Variants in RALGPS2 observed in about 807,000 individuals in gnomAD.
The protein encoded by RALGPS2 is ras-specific guanine nucleotide-releasing factor RalGPS2.
Under a neutral mutation model 86.8 loss-of-function variants are expected in RALGPS2, and 43 were observed. The ratio of observed to expected loss-of-function variants is 0.50; its 90% CI spans 0.39 to 0.64. The LOEUF (loss-of-function observed/expected upper bound fraction) is 0.64, where lower values mean the gene tolerates loss of function less well. RALGPS2 is among the 30% of genes least tolerant of loss of function. RALGPS2 has a pLI of 0.00. For synonymous variants in RALGPS2, 243 were observed against 231.3 expected (o/e 1.05, Z -0.46); for missense variants, 536 against 694.6 (o/e 0.77, Z 2.57).
intron 19 of RALGPS2, among the ~76,000 whole-genome samples, chr1:178,912,562 C>T (rs1484684908): frequency 3.3e-5 from 5 of 152,144 alleles, no homozygotes; most frequent in Admixed American, 3.3e-4. Flanking sequence ...CCACTGTTAA[C>T]CTGATGAGGT....
chr1:178,808,891 G>A lies in RALGPS2; in HGVS notation c.297+763G>A, dbSNP rs983152013. Reference sequence around the variant, plus strand: ...TAAATTAATTTTTTCTTTTTTTAGAGACAGGGTCTCTGTCACCCAAGCTGG... The same window carrying A: ...TAAATTAATTTTTTCTTTTTTTAGAAACAGGGTCTCTGTCACCCAAGCTGG... On this transcript the variant is annotated intron_variant, in intron 5 of 19. Coordinates refer to ENST00000367635, the MANE Select transcript of RALGPS2 (RefSeq NM_152663.5). Among the ~76,000 whole-genome samples the A allele has an allele frequency of 2.0e-5, 3 of 151,942 alleles. No homozygotes were observed. In the East Asian group the frequency reaches 5.8e-4, roughly 29 times the overall value.
intron 8 of RALGPS2, among the ~76,000 whole-genome samples, chr1:178,859,401 C>CTTTTT (rs543947031): frequency 5.7e-5 from 7 of 122,896 alleles, no homozygotes; most frequent in Non-Finnish European, 1.2e-4. Context: ...CCAAGTTTAA[C>CTTTTT]TTTTTTTTTT....
chr1:178,833,433 C>G lies in RALGPS2; in HGVS notation c.490C>G (p.Arg164Gly), dbSNP rs1490060494. ...TCTGTTTGTTTTTTAGTTATTAAGT[C>G]GAAAAGACAAAACTACCTTTGAAAA... ...RLTKTWALLS[R>G]KDKTTFEKLE... The change falls in exon 8 of 20, where the codon CGA becomes GGA. Residue 164 changes from arginine (R) to glycine (G), a missense_variant. Physicochemically the swap from Arg to Gly is moderately radical, Grantham distance 125 (BLOSUM62 -2). This residue lies in a region of RALGPS2 where 184 missense variants were observed against 296.7 expected (regional missense o/e 0.62). Coordinates refer to ENST00000367635, the MANE Select transcript of RALGPS2 (RefSeq NM_152663.5). The G allele has an allele frequency of 6.7e-7, 1 of 1,501,690 alleles. No individual in the cohort carries two copies. Among genetic ancestry groups the G allele is most frequent in the East Asian group, 2.7e-5 (1 of 37,542 alleles). 93.0% of individuals were successfully genotyped at this position (1,501,690 alleles called of 1,614,324 possible). A position where few individuals can be genotyped will look rare whatever the true frequency, so the allele number is the denominator to read the frequency against.
chr1:178,752,635 T>TTATATAG (rs1651745628), intron 1 of RALGPS2, among the ~76,000 whole-genome samples: 1 of 152,242 alleles, frequency 6.6e-6, no homozygotes, highest in South Asian at 2.1e-4. Context: ...GCTTTACAGT[T>TTATATAG]TATATAGTAA....
intron 8 of RALGPS2, among the ~76,000 whole-genome samples, chr1:178,837,258 T>C (rs1656325475): frequency 6.6e-6 from 1 of 152,248 alleles, no homozygotes; most frequent in African/African-American, 2.4e-5. Context: ...CTAACATTTT[T>C]AGGTACTAAA....
chr1:178,758,361 A>G (rs1652055845), intron 1 of RALGPS2, among the ~76,000 whole-genome samples: 3 of 152,056 alleles, frequency 2.0e-5, no homozygotes, highest in Admixed American at 2.0e-4. Flanking sequence ...TAAATGGGTT[A>G]TTCATCCCCT....
At chr1:178,839,811 G>C (rs1184723668) in intron 8 of RALGPS2, among the ~76,000 whole-genome samples, 1 of 152,154 alleles carries the variant, frequency 6.6e-6, no homozygotes, top group African/African-American at 2.4e-5. Context: ...AAGGGATGGA[G>C]GAAGATCTGC....
In RALGPS2 at chr1:178,765,333, C is replaced by T. The variant is rs142717472; in HGVS notation, c.-83-11349C>T. Among the ~76,000 whole-genome samples the T allele has an allele frequency of 5.9e-3, 902 of 152,062 alleles. 15 individuals carry two copies. Among genetic ancestry groups the T allele is most frequent in the African/African-American group, 0.021 (874 of 41,466 alleles). On this transcript the variant is annotated intron_variant, in intron 1 of 19. Coordinates refer to ENST00000367635, the MANE Select transcript of RALGPS2 (RefSeq NM_152663.5). Reference sequence around the variant, plus strand: ...AGTACAGAAGAGAGAAATTTTAAAGCTGGGTGTCCAGGGGAGACTTCACAT... The same window carrying T: ...AGTACAGAAGAGAGAAATTTTAAAGTTGGGTGTCCAGGGGAGACTTCACAT...
At chr1:178,821,955 T>C (rs1033351148) in intron 7 of RALGPS2, among the ~76,000 whole-genome samples, 2 of 152,206 alleles carry the variant, frequency 1.3e-5, no homozygotes, top group Non-Finnish European at 2.9e-5. Context: ...TGAAACACTT[T>C]CAATATCTTT....
At chr1:178,895,783 C>T (rs1659914310) in intron 16 of RALGPS2, among the ~76,000 whole-genome samples, 1 of 151,718 alleles carries the variant, frequency 6.6e-6, no homozygotes, top group African/African-American at 2.4e-5. Flanking sequence ...AAATGGGGGG[C>T]AGGTCAGTCT....
At chr1:178,769,289 C>CA (rs1652665250) in intron 1 of RALGPS2, among the ~76,000 whole-genome samples, 1 of 151,068 alleles carries the variant, frequency 6.6e-6, no homozygotes, top group Admixed American at 6.6e-5. Flanking sequence ...ACCCACCATG[C>CA]ACAAGAAGGA....
In RALGPS2 at chr1:178,762,316, T is replaced by C. The variant is rs559886123; in HGVS notation, c.-83-14366T>C. The stretch of plus-strand genomic sequence containing the variant: ...ATTGTGAGTAGTGCTGCAGTGAACA[T>C]ACATGTGCATATGTCTTTGTGTTGG... On this transcript the variant is annotated intron_variant, in intron 1 of 19. Coordinates refer to ENST00000367635, the MANE Select transcript of RALGPS2 (RefSeq NM_152663.5). Among the ~76,000 whole-genome samples the C allele has an allele frequency of 3.9e-5, 6 of 152,330 alleles. No individual in the cohort carries two copies. The South Asian group carries it at 1.2e-3, about 32-fold the overall frequency.
At chr1:178,773,875 A>G (rs1230357524) in intron 1 of RALGPS2, among the ~76,000 whole-genome samples, 3 of 152,214 alleles carry the variant, frequency 2.0e-5, no homozygotes, top group East Asian at 1.9e-4. Flanking sequence ...ATGCTTTGCT[A>G]TATTTTAAAA....
chr1:178,916,589 A>C lies in RALGPS2; in HGVS notation c.*230A>C. The C allele has an allele frequency of 2.1e-6, 1 of 476,830 alleles. No homozygotes were observed. The allele number at this position is 476,830 out of a possible 1,614,324, so 29.5% of individuals were successfully genotyped here. On this transcript the variant is annotated 3_prime_UTR_variant, in exon 20 of 20. Coordinates refer to ENST00000367635, the MANE Select transcript of RALGPS2 (RefSeq NM_152663.5). ...TGCCATGAACCATGCTTCTTATCTCAGAACTGACCTGTGGAAACCACTGCC... is the reference window on the plus strand; with the variant it reads ...TGCCATGAACCATGCTTCTTATCTCCGAACTGACCTGTGGAAACCACTGCC...
chr1:178,879,824 A>G (rs1659162248), intron 10 of RALGPS2: 1 of 150,446 alleles, frequency 6.6e-6, no homozygotes, highest in African/African-American at 2.4e-5. Flanking sequence ...GTTTGAAATC[A>G]TTTTTAAAAT....
intron 4 of RALGPS2, among the ~76,000 whole-genome samples, chr1:178,798,849 G>A (rs538289310): frequency 1.3e-5 from 2 of 152,256 alleles, no homozygotes; most frequent in African/African-American, 4.8e-5. Context: ...TTAAAAGGAA[G>A]GTGAAGTATC....
intron 8 of RALGPS2, among the ~76,000 whole-genome samples, chr1:178,874,783 C>A (rs955266356): frequency 1.3e-5 from 2 of 152,080 alleles, no homozygotes; most frequent in Non-Finnish European, 2.9e-5. Flanking sequence ...ACAAGTGTCA[C>A]ATGTGTTGAT....
chr1:178,852,939 G>GT (rs1167329372), intron 8 of RALGPS2: 3 of 1,611,418 alleles, frequency 1.9e-6, no homozygotes, highest in Non-Finnish European at 1.7e-6. Context: ...CTCCGTCAAT[G>GT]TTTCCAAACC....
At chr1:178,814,996 A>G (rs908214818) in intron 6 of RALGPS2, among the ~76,000 whole-genome samples, 4 of 152,114 alleles carry the variant, frequency 2.6e-5, no homozygotes, top group Non-Finnish European at 4.4e-5. Flanking sequence ...TCTCTCTTGA[A>G]AGGTCTGTTT....
Sources: allele counts gnomAD v4.1 joint callset (sites outside exome capture counted in the v4.1 genomes callset), GRCh38; gene constraint gnomAD v4.1.1; regional missense constraint gnomAD v4.1.1; transcripts MANE v1.5; gene names NCBI Gene and HGNC (gene_info 2026-07-23, HGNC 2026-07-21).